CNTN5: variants seen among roughly 807,000 people sequenced by gnomAD.
The protein encoded by CNTN5 is contactin 5.
CNTN5 carries 77 observed loss-of-function variants against 129.1 expected under a neutral mutation model. That is an observed-to-expected ratio of 0.60 (90% CI 0.50 to 0.72). The LOEUF is 0.72. Among genes scored for constraint, CNTN5 ranks in the 30% least tolerant of loss-of-function variants. The probability of loss-of-function intolerance (pLI) is 0.00; values close to 1 mark genes in which losing one functional copy is unlikely to be tolerated. For synonymous variants in CNTN5, 509 were observed against 465.6 expected, an observed-to-expected ratio of 1.09 and a Z score of -1.20; for missense variants, 1,478 against 1,328.8, an observed-to-expected ratio of 1.11 and a Z score of -1.75.
At chr11:99,783,784 C>T (rs1945405189) in intron 3 of CNTN5, among the ~76,000 whole-genome samples, 1 of 150,288 alleles carries the variant, frequency 6.7e-6, no homozygotes, top group Non-Finnish European at 1.5e-5. Flanking sequence ...ATCACATGGA[C>T]ACAGGAAGGG....
intron 2 of CNTN5, among the ~76,000 whole-genome samples, chr11:99,508,767 C>T (rs553763772): frequency 7.3e-5 from 11 of 151,686 alleles, no homozygotes; most frequent in Non-Finnish European, 1.6e-4. Flanking sequence ...CTGTAACTTC[C>T]TCCTCCTGAG....
At chr11:99,718,280 C>G (rs1338525901) in intron 3 of CNTN5, among the ~76,000 whole-genome samples, 1 of 152,114 alleles carries the variant, frequency 6.6e-6, no homozygotes, top group East Asian at 1.9e-4. Context: ...AGACACTGTT[C>G]TTTGCACAGT....
At chr11:99,912,388 C>G (rs965946490) in intron 6 of CNTN5, among the ~76,000 whole-genome samples, 6 of 151,918 alleles carry the variant, frequency 3.9e-5, no homozygotes, top group African/African-American at 1.2e-4. Flanking sequence ...GTGACCCAGA[C>G]TCCTGTGAGC....
intron 4 of CNTN5, among the ~76,000 whole-genome samples, chr11:99,835,959 A>G (rs1171034584): frequency 1.3e-5 from 2 of 152,126 alleles, no homozygotes; most frequent in Non-Finnish European, 2.9e-5. Flanking sequence ...TATGCAAGAA[A>G]GAATTTAGGG....
intron 8 of CNTN5, among the ~76,000 whole-genome samples, chr11:99,998,150 G>A (rs1939585303): frequency 6.6e-6 from 1 of 151,696 alleles, no homozygotes. Context: ...GGAAGTTCTG[G>A]GCAGGGCAAT....
intron 16 of CNTN5, among the ~76,000 whole-genome samples, chr11:100,242,938 C>G (rs1296013947): frequency 6.6e-6 from 1 of 152,182 alleles, no homozygotes; most frequent in Non-Finnish European, 1.5e-5. Flanking sequence ...ATTGTCATGT[C>G]TGATAACTTG....
chr11:99,234,829 A>G (rs112401418), intron 1 of CNTN5, among the ~76,000 whole-genome samples: 16 of 152,198 alleles, frequency 1.1e-4, no homozygotes, highest in African/African-American at 3.9e-4. Context: ...CAACTGACAC[A>G]GATATCATTA....
rs80187442 is a variant in CNTN5 at position 99,812,408 on chromosome 11, A to G, written c.56-7136A>G. On this transcript the variant is annotated intron_variant, in intron 3 of 24. Coordinates refer to ENST00000524871, the MANE Select transcript of CNTN5 (RefSeq NM_014361.4). ...GAAAGGGTAAACTCAGTATTCAGTT[A>G]TACCCACAAGAGTGGTACAGGATAA... Among the ~76,000 whole-genome samples the G allele has an allele frequency of 5.9e-3, 893 of 152,258 alleles. 22 individuals are homozygous for G. In the East Asian group the frequency reaches 0.063, roughly 11 times the overall value.
chr11:99,303,120 C>T (rs1014866678), intron 1 of CNTN5, among the ~76,000 whole-genome samples: 1 of 151,582 alleles, frequency 6.6e-6, no homozygotes, highest in African/African-American at 2.4e-5. Flanking sequence ...TTTTATGCAT[C>T]CAGTGCATGT....
At chr11:99,785,026 C>T (rs1331220699) in intron 3 of CNTN5, among the ~76,000 whole-genome samples, 1 of 144,218 alleles carries the variant, frequency 6.9e-6, no homozygotes, top group Non-Finnish European at 1.5e-5. Flanking sequence ...ATCTCTATCT[C>T]CTGACCTCGT....
chr11:99,867,180 A>C (rs1400293610), intron 6 of CNTN5, among the ~76,000 whole-genome samples: 1 of 152,220 alleles, frequency 6.6e-6, no homozygotes, highest in Non-Finnish European at 1.5e-5. Context: ...TGCAGTCAAG[A>C]TCACTGTTGT....
At chr11:99,253,672 T>C (rs1372760998) in intron 1 of CNTN5, among the ~76,000 whole-genome samples, 3 of 151,928 alleles carry the variant, frequency 2.0e-5, no homozygotes, top group South Asian at 2.1e-4. Flanking sequence ...ATTTAGATTG[T>C]ATGCACTCTG....
intron 3 of CNTN5, among the ~76,000 whole-genome samples, chr11:99,761,110 A>T (rs1456443354): frequency 1.3e-5 from 2 of 152,124 alleles, no homozygotes; most frequent in Admixed American, 1.3e-4. Flanking sequence ...AGGATGATAT[A>T]TGTGTAGAAG....
At chr11:100,117,923 G>A (rs1945892406) in intron 13 of CNTN5, among the ~76,000 whole-genome samples, 1 of 151,760 alleles carries the variant, frequency 6.6e-6, no homozygotes, top group Non-Finnish European at 1.5e-5. Context: ...AGTTTACATA[G>A]GAGAACCTGA....
chr11:100,261,615 G>A (rs1175377191), intron 17 of CNTN5, among the ~76,000 whole-genome samples: 2 of 151,952 alleles, frequency 1.3e-5, no homozygotes, highest in Non-Finnish European at 2.9e-5. Context: ...GACCAATGGA[G>A]CAGAACAGAG....
chr11:99,490,392 T>G (rs189813886), intron 2 of CNTN5, among the ~76,000 whole-genome samples: 1 of 152,328 alleles, frequency 6.6e-6, no homozygotes, highest in East Asian at 1.9e-4. Context: ...CTTACAAACA[T>G]AATTTTTATT....
At chr11:99,559,444 A>G (rs181577707) in intron 3 of CNTN5, among the ~76,000 whole-genome samples, 121 of 152,296 alleles carry the variant, frequency 7.9e-4, no homozygotes, top group African/African-American at 2.7e-3. Flanking sequence ...ATCTTTCACA[A>G]GAACAGGCAA....
rs79639926 is a variant in CNTN5 at position 100,192,778 on chromosome 11, A to T, written c.1709-710A>T. On this transcript the variant is annotated intron_variant, in intron 14 of 24. Coordinates refer to ENST00000524871, the MANE Select transcript of CNTN5 (RefSeq NM_014361.4). ...CCCAGTAAAAAAGTGTGTTTTTAAA[A>T]TTTAACTGAATCATTAAGGAGTTAA... Among the ~76,000 whole-genome samples the T allele has an allele frequency of 8.6e-3, 1,304 of 152,130 alleles. 15 individuals are homozygous for T. Among genetic ancestry groups the T allele is most frequent in the African/African-American group, 0.029 (1,214 of 41,556 alleles).
chr11:100,000,002 T>C (rs1382120740), intron 8 of CNTN5, among the ~76,000 whole-genome samples: 1 of 138,432 alleles, frequency 7.2e-6, no homozygotes, highest in Non-Finnish European at 1.5e-5. Context: ...CTCTGGGGAC[T>C]GTTGTGGGGT....
Sources: allele counts gnomAD v4.1 joint callset (sites outside exome capture counted in the v4.1 genomes callset), GRCh38; gene constraint gnomAD v4.1.1; transcripts MANE v1.5; gene names NCBI Gene and HGNC (gene_info 2026-07-23, HGNC 2026-07-21).